PTPRT: variants seen among roughly 807,000 people sequenced by gnomAD.
The protein encoded by PTPRT is receptor-type tyrosine-protein phosphatase T.
Under a neutral mutation model 176.8 loss-of-function variants are expected in PTPRT, and 56 were observed. That is an observed-to-expected ratio of 0.32 (90% CI 0.26 to 0.40). PTPRT has a LOEUF of 0.40. Ranked by LOEUF, PTPRT falls within the 10% of genes least tolerant of loss-of-function variation. The probability of loss-of-function intolerance (pLI) is 1.00; values close to 1 mark genes in which losing one functional copy is unlikely to be tolerated. For missense variants in PTPRT, 1,540 were observed against 1,908.2 expected (o/e 0.81, Z 3.60); for synonymous variants, 783 against 739.0 (o/e 1.06, Z -0.96).
intron 9 of PTPRT, among the ~76,000 whole-genome samples, chr20:42,385,384 T>C (rs1211428482): frequency 1.3e-5 from 2 of 152,192 alleles, no homozygotes; most frequent in Non-Finnish European, 2.9e-5. Flanking sequence ...ATGATTCCAC[T>C]TATATGAAGT....
At chr20:42,773,192 T>C (rs1327262968) in intron 4 of PTPRT, among the ~76,000 whole-genome samples, 1 of 152,320 alleles carries the variant, frequency 6.6e-6, no homozygotes, top group East Asian at 1.9e-4. Flanking sequence ...CCCCTTTCCA[T>C]GCTATTTTTC....
At chr20:42,392,958 T>A (rs1159244267) in intron 9 of PTPRT, among the ~76,000 whole-genome samples, 1 of 152,178 alleles carries the variant, frequency 6.6e-6, no homozygotes, top group Non-Finnish European at 1.5e-5. Flanking sequence ...AAAATCTGAT[T>A]TTTTTTAATG....
At chr20:42,688,154 G>A (rs2075730895) in intron 6 of PTPRT, 1 of 152,228 alleles carries the variant, frequency 6.6e-6, no homozygotes, top group Non-Finnish European at 1.5e-5. Context: ...GATGGAGACT[G>A]GGATGCTGGA....
chr20:42,896,162 T>G (rs1287357874), intron 1 of PTPRT, among the ~76,000 whole-genome samples: 1 of 152,158 alleles, frequency 6.6e-6, no homozygotes, highest in African/African-American at 2.4e-5. Context: ...ATAAGGAAAC[T>G]GAGGCAGGAG....
At chr20:42,780,372 C>T (rs1349874188) in intron 3 of PTPRT, 73 bp from the exon 4 acceptor site, 2 of 1,188,944 alleles carry the variant, frequency 1.7e-6, no homozygotes, top group African/African-American at 3.0e-5. Flanking sequence ...CTGCCCGGCC[C>T]CCAGCCCTTT....
intron 15 of PTPRT, among the ~76,000 whole-genome samples, chr20:42,207,261 C>T (rs1600676790): frequency 6.6e-6 from 1 of 152,334 alleles, no homozygotes. Flanking sequence ...GAACACAGTT[C>T]GTCACCAGCA....
At chr20:43,083,796 A>T (rs1458224518) in intron 1 of PTPRT, among the ~76,000 whole-genome samples, 1 of 152,096 alleles carries the variant, frequency 6.6e-6, no homozygotes, top group Non-Finnish European at 1.5e-5. Flanking sequence ...GTTCACAGCC[A>T]TCCCTGTTCC....
At chr20:42,333,747 C>T (rs2058001091) in intron 11 of PTPRT, among the ~76,000 whole-genome samples, 1 of 152,170 alleles carries the variant, frequency 6.6e-6, no homozygotes, top group African/African-American at 2.4e-5. Flanking sequence ...GGTGCAATCT[C>T]GGCTCAGAGC....
chr20:42,090,074 G>A (rs1188572603), intron 27 of PTPRT, among the ~76,000 whole-genome samples: 1 of 152,084 alleles, frequency 6.6e-6, no homozygotes, highest in African/African-American at 2.4e-5. Context: ...TAGTTTGAAT[G>A]GCTTGGCTAC....
chr20:42,351,987 C>T (rs1369521411), intron 10 of PTPRT, 97 bp downstream of exon 10: 1 of 1,189,002 alleles, frequency 8.4e-7, no homozygotes, highest in African/African-American at 1.5e-5. Context: ...CCACCCATAT[C>T]ACAGGGTGAC....
chr20:42,448,646 A>T (rs1482058439), intron 8 of PTPRT, among the ~76,000 whole-genome samples: 2 of 152,170 alleles, frequency 1.3e-5, no homozygotes, highest in African/African-American at 4.8e-5. Flanking sequence ...CAGGCTTTTC[A>T]TCTGCAGACT....
chr20:42,454,081 T>C (rs1441805657), intron 8 of PTPRT, among the ~76,000 whole-genome samples: 3 of 152,056 alleles, frequency 2.0e-5, no homozygotes, highest in African/African-American at 7.2e-5. Flanking sequence ...TATCATTTAG[T>C]TTTTCTTGGT....
intron 1 of PTPRT, among the ~76,000 whole-genome samples, chr20:42,986,860 G>T (rs1308750198): frequency 2.0e-5 from 3 of 152,182 alleles, no homozygotes; most frequent in Non-Finnish European, 4.4e-5. Context: ...TACAGTGGGG[G>T]CTTCTGTGAA....
At chr20:43,188,915 A>G (rs929906880) in intron 1 of PTPRT, among the ~76,000 whole-genome samples, 9 of 151,128 alleles carry the variant, frequency 6.0e-5, no homozygotes, top group African/African-American at 2.2e-4. Context: ...ACCTCTGCTC[A>G]CCGCCTTCCC....
chr20:42,554,386 A>T (rs2224169), intron 7 of PTPRT, among the ~76,000 whole-genome samples: 43,835 of 151,986 alleles, frequency 0.29, 6,659 homozygotes, highest in East Asian at 0.46. Context: ...GCCCACCACT[A>T]GCTAAATGCT....
At chr20:43,057,805 G>T (rs1384321721) in intron 1 of PTPRT, among the ~76,000 whole-genome samples, 1 of 152,220 alleles carries the variant, frequency 6.6e-6, no homozygotes, top group African/African-American at 2.4e-5. Context: ...ACTGCAGAGA[G>T]TTCAGGGGCT....
chr20:42,712,328 C>A (rs1011474335), intron 6 of PTPRT, among the ~76,000 whole-genome samples: 1 of 152,028 alleles, frequency 6.6e-6, no homozygotes, highest in African/African-American at 2.4e-5. Flanking sequence ...GTATGTTAGC[C>A]CTGATTTTAA....
intron 19 of PTPRT, among the ~76,000 whole-genome samples, chr20:42,128,199 G>C (rs753849722): frequency 4.6e-5 from 7 of 152,098 alleles, no homozygotes; most frequent in Non-Finnish European, 7.4e-5. Flanking sequence ...ATCTGTGCTT[G>C]AAGCTTTGGT....
At chr20:42,957,903 TTTAA>T (rs1327690467) in intron 1 of PTPRT, among the ~76,000 whole-genome samples, 3 of 152,100 alleles carry the variant, frequency 2.0e-5, no homozygotes, top group Admixed American at 6.5e-5. Context: ...GAATGTCTGC[TTTAA>T]TTAGATTTCC....
Sources: allele counts gnomAD v4.1 joint callset (sites outside exome capture counted in the v4.1 genomes callset), GRCh38; gene constraint gnomAD v4.1.1; transcripts MANE v1.5; gene names NCBI Gene and HGNC (gene_info 2026-07-23, HGNC 2026-07-21).